The following EBF3 variants were observed in gnomAD, a reference collection of about 807,000 sequenced individuals.
EBF3 encodes EBF transcription factor 3.
Under a neutral mutation model 77.1 loss-of-function variants are expected in EBF3, and 18 were observed. The observed-to-expected ratio is 0.23, with a 90% CI of 0.16 to 0.35. The LOEUF (loss-of-function observed/expected upper bound fraction) is 0.35, where lower values mean the gene tolerates loss of function less well. Ranked by LOEUF, EBF3 falls within the 10% of genes least tolerant of loss-of-function variation. The pLI is 1.00. For synonymous variants in EBF3, 350 were observed against 343.5 expected (o/e 1.02, Z -0.21); for missense variants, 558 against 860.0 (o/e 0.65, Z 4.39).
intron 10 of EBF3, among the ~76,000 whole-genome samples, chr10:129,862,189 T>G (rs1193974372): frequency 6.6e-6 from 1 of 152,192 alleles, no homozygotes; most frequent in African/African-American, 2.4e-5. Flanking sequence ...CCATAAATAC[T>G]GTATCAGAAA....
intron 6 of EBF3, among the ~76,000 whole-genome samples, chr10:129,930,502 ATCTG>A: frequency 6.8e-6 from 1 of 146,454 alleles, no homozygotes; most frequent in African/African-American, 2.7e-5. Flanking sequence ...ATATATCTAT[ATCTG>A]TCTATATCTA....
chr10:129,880,326 CACAT>C lies in EBF3; in HGVS notation c.555-2481_555-2478del, dbSNP rs1346918409. On this transcript the variant is annotated intron_variant, in intron 6 of 16. Transcript: ENST00000440978. ...ACCCACACATACACACACATGCCCA[CACAT>C]ACATACACACACATGCCCACAGACA... 3.3e-5 allele frequency among the ~76,000 whole-genome samples: 5 copies of C among 151,918 alleles called. No individual in the cohort carries two copies. In the South Asian group the frequency reaches 6.2e-4, roughly 19 times the overall value.
intron 6 of EBF3, among the ~76,000 whole-genome samples, chr10:129,927,345 A>G (rs1856742346): frequency 1.3e-5 from 2 of 152,170 alleles, no homozygotes; most frequent in Non-Finnish European, 2.9e-5. Context: ...AATACATAAA[A>G]AGTTAATTTC....
chr10:129,854,959 G>C (rs1851148291), intron 10 of EBF3, among the ~76,000 whole-genome samples: 1 of 152,194 alleles, frequency 6.6e-6, no homozygotes, highest in Non-Finnish European at 1.5e-5. Context: ...TACACCCAGA[G>C]GCAAACCTTG....
chr10:129,845,681 CG>C (rs1850401816), intron 11 of EBF3: 2 of 151,700 alleles, frequency 1.3e-5, no homozygotes, highest in Non-Finnish European at 2.9e-5. Flanking sequence ...CTTCAAAAAG[CG>C]GGGAAAAGAA....
chr10:129,938,506 T>C lies in EBF3; in HGVS notation c.554+18752A>G, dbSNP rs542863367. Among the ~76,000 whole-genome samples, 3 of 152,152 alleles carry C rather than the reference T, an allele frequency of 2.0e-5. No homozygotes were observed. The highest frequency in any genetic ancestry group is 2.9e-5 in the Non-Finnish European group (2 of 67,996). On this transcript the variant is annotated intron_variant, in intron 6 of 16. Coordinates refer to ENST00000440978, the MANE Select transcript of EBF3 (RefSeq NM_001375380.1). The surrounding 1 kb of genome is among the most constrained non-coding windows in gnomAD (Gnocchi z 5.1). ...AGGTCCAGGCTGCAGGGAGCTGTGATTGTGCCACTGTACCCAGCCTGGGTG... is the reference window on the plus strand; with the variant it reads ...AGGTCCAGGCTGCAGGGAGCTGTGACTGTGCCACTGTACCCAGCCTGGGTG...
At chr10:129,907,259 CCT>C (rs1855210512) in intron 6 of EBF3, among the ~76,000 whole-genome samples, 1 of 152,224 alleles carries the variant, frequency 6.6e-6, no homozygotes, top group Non-Finnish European at 1.5e-5. Context: ...CGAGGGCGCC[CCT>C]GTTTGCAGCT....
chr10:129,936,958 C>A (rs1362805332), intron 6 of EBF3, among the ~76,000 whole-genome samples: 1 of 152,212 alleles, frequency 6.6e-6, no homozygotes, highest in African/African-American at 2.4e-5. Context: ...ATGACCTGGG[C>A]TCCACGGATC....
Position 129,836,111 on chromosome 10 carries a change from T to C in EBF3, c.*1832A>G, listed in dbSNP as rs1405421192. On this transcript the variant is annotated 3_prime_UTR_variant, in exon 17 of 17. Transcript: ENST00000440978. ...AGGAGAGACGGGTCATGCAGCGGGC[T>C]TGTGCTTTTTTGTGTGTGTTTGTGT... 2 of 152,624 alleles carry C rather than the reference T, an allele frequency of 1.3e-5. No homozygotes were observed. Among genetic ancestry groups the C allele is most frequent in the Admixed American group, 6.5e-5 (1 of 15,278 alleles). 9.5% of individuals were successfully genotyped at this position (152,624 alleles called of 1,614,324 possible). A position where few individuals can be genotyped will look rare whatever the true frequency, so the allele number is the denominator to read the frequency against.
At chr10:129,962,824 GAGA>G in intron 3 of EBF3, 115 bp downstream of exon 3, 7 of 1,202,800 alleles carry the variant, frequency 5.8e-6, no homozygotes, top group East Asian at 2.4e-5. Flanking sequence ...TCTATGCCAT[GAGA>G]AGATTTCGTG....
intron 9 of EBF3, 127 bp downstream of exon 9, chr10:129,867,655 G>A (rs939989298): frequency 2.7e-5 from 40 of 1,466,420 alleles, no homozygotes; most frequent in Middle Eastern, 3.8e-4. Context: ...TGCCACAGGC[G>A]AACAGTGCAG....
chr10:129,957,174 T>C (rs893756501), intron 6 of EBF3, 84 bp downstream of exon 6: 5 of 1,265,076 alleles, frequency 4.0e-6, no homozygotes, highest in African/African-American at 1.5e-5. Context: ...GCCTCAAAAA[T>C]ATGGAGCAAC....
intron 10 of EBF3, among the ~76,000 whole-genome samples, chr10:129,855,423 T>C (rs1851185512): frequency 6.6e-6 from 1 of 152,204 alleles, no homozygotes; most frequent in South Asian, 2.1e-4. Context: ...CCTCAAAGAA[T>C]ACATTGGATG....
intron 12 of EBF3, 69 bp downstream of exon 12, chr10:129,843,068 G>A: frequency 6.6e-7 from 1 of 1,507,780 alleles, no homozygotes; most frequent in Non-Finnish European, 9.1e-7. Context: ...CCACACTGGA[G>A]CCACGCCGGC....
Position 129,879,066 on chromosome 10 carries a change from G to A in EBF3, c.555-1217C>T, listed in dbSNP as rs1252998320. On this transcript the variant is annotated intron_variant, in intron 6 of 16. Transcript: ENST00000440978. This position sits in a 1 kb window ranked among gnomAD's most constrained non-coding sequence, Gnocchi z 4.7. ...TGTGTTGAGATGCTGTGACTAAAAC[G>A]TCATCATGTTGTCCTCCGCATTCCT... Among the ~76,000 whole-genome samples the A allele has an allele frequency of 1.3e-5, 2 of 152,094 alleles. No individual in the cohort carries two copies. The highest frequency in any genetic ancestry group is 2.9e-5 in the Non-Finnish European group (2 of 68,034).
rs867146775 is a variant in EBF3, at chr10:129,881,485, G to C, written c.555-3636C>G. Among the ~76,000 whole-genome samples, 53 of 152,286 alleles carry C rather than the reference G, an allele frequency of 3.5e-4. 1 individual carries two copies. Among genetic ancestry groups the C allele is most frequent in the African/African-American group, 1.3e-3 (53 of 41,558 alleles). ...CTCGAGATAAACTGCTACACGCCAG[G>C]CGCGGCTTTCCCAGCCCCATTCCAC... On this transcript the variant is annotated intron_variant, in intron 6 of 16. Coordinates refer to ENST00000440978, the MANE Select transcript of EBF3 (RefSeq NM_001375380.1).
intron 11 of EBF3, 25 bp from the exon 12 acceptor site, chr10:129,843,227 G>T (rs1402737154): frequency 6.3e-7 from 1 of 1,598,884 alleles, no homozygotes; most frequent in Non-Finnish European, 8.5e-7. Context: ...GACAGGAGGT[G>T]ATTCATGGGA....
intron 6 of EBF3, among the ~76,000 whole-genome samples, chr10:129,914,872 G>T (rs2134314962): frequency 6.6e-6 from 1 of 152,252 alleles, no homozygotes; most frequent in Admixed American, 6.5e-5. Flanking sequence ...GACCCTCAGG[G>T]TCCCCTAGGG....
At chr10:129,868,066 G>C (rs1852155464) in intron 8 of EBF3, among the ~76,000 whole-genome samples, 154 bp from the exon 9 acceptor site, 2 of 152,260 alleles carry the variant, frequency 1.3e-5, no homozygotes, top group South Asian at 4.1e-4. Context: ...TCAGCATGTT[G>C]ATGTGTTTAA....
Sources: allele counts gnomAD v4.1 joint callset (sites outside exome capture counted in the v4.1 genomes callset), GRCh38; gene constraint gnomAD v4.1.1; non-coding constraint Gnocchi (gnomAD v3.1); transcripts MANE v1.5; gene names NCBI Gene and HGNC (gene_info 2026-07-23, HGNC 2026-07-21).